Variants in MLLT10 observed in about 807,000 individuals in gnomAD.
MLLT10 encodes the protein protein AF-10.
A neutral mutation model predicts 129.1 loss-of-function variants in MLLT10; 30 were observed. That is an observed-to-expected ratio of 0.23 (90% CI 0.17 to 0.32). The LOEUF is 0.32. MLLT10 is among the 10% of genes least tolerant of loss of function. MLLT10 has a pLI of 1.00. For synonymous variants in MLLT10, 490 were observed against 446.4 expected (o/e 1.10, Z -1.23); for missense variants, 1,119 against 1,268.3 (o/e 0.88, Z 1.79).
At chr10:21,738,595 G>C in intron 21 of MLLT10, 1 of 1,214,606 alleles carries the variant, frequency 8.2e-7, no homozygotes, top group Non-Finnish European at 1.1e-6. Context: ...CACAGCTTCC[G>C]CTCGACACTC....
intron 3 of MLLT10, among the ~76,000 whole-genome samples, chr10:21,565,594 A>G (rs1015560087): frequency 2.7e-5 from 4 of 147,900 alleles, no homozygotes; most frequent in African/African-American, 7.4e-5. Context: ...GGTGTGAGCC[A>G]CTGTGCCTGG....
chr10:21,542,426 C>T (rs940048805), intron 3 of MLLT10, among the ~76,000 whole-genome samples: 16 of 152,040 alleles, frequency 1.1e-4, no homozygotes, highest in African/African-American at 1.4e-4. Flanking sequence ...AAAAATTAGC[C>T]GGGCGTGGTA....
At chr10:21,626,119 T>C in intron 8 of MLLT10, 1 of 1,609,984 alleles carries the variant, frequency 6.2e-7, no homozygotes, top group Non-Finnish European at 8.5e-7. Flanking sequence ...CCTGTTTCTC[T>C]CTCTGCCTGT....
At chr10:21,626,292 A>G (rs1442620495) in intron 8 of MLLT10, 1 of 1,326,722 alleles carries the variant, frequency 7.5e-7, no homozygotes, top group African/African-American at 1.4e-5. Flanking sequence ...AATCCAGGGC[A>G]GAGCAGGGGC....
At chr10:21,556,816 C>T (rs774174288) in intron 3 of MLLT10, 17 of 1,564,678 alleles carry the variant, frequency 1.1e-5, no homozygotes, top group South Asian at 2.3e-5. Context: ...CAGCTTTCTT[C>T]GGTCCTCAGT....
chr10:21,576,990 C>G (rs192225764), intron 3 of MLLT10, among the ~76,000 whole-genome samples: 1 of 152,174 alleles, frequency 6.6e-6, no homozygotes, highest in African/African-American at 2.4e-5. Context: ...ACACTTGTAT[C>G]CCCTCAAGAA....
intron 11 of MLLT10, among the ~76,000 whole-genome samples, chr10:21,680,207 T>G (rs1348445844): frequency 6.6e-6 from 1 of 152,014 alleles, no homozygotes; most frequent in Non-Finnish European, 1.5e-5. Flanking sequence ...TTCTCTTTTC[T>G]TTTTTTCTTT....
chr10:21,692,187 TA>T (rs1325779131), intron 13 of MLLT10, among the ~76,000 whole-genome samples: 1 of 150,986 alleles, frequency 6.6e-6, no homozygotes, highest in East Asian at 1.9e-4. Context: ...AAATAAAAAA[TA>T]AAAGGACTTA....
chr10:21,673,319 T>G, intron 10 of MLLT10, 31 bp from the exon 11 acceptor site: 3 of 45,006 alleles, frequency 6.7e-5, no homozygotes, highest in Non-Finnish European at 9.2e-5. Context: ...ACCCCCCAAC[T>G]TTTTTTTTTT....
At chr10:21,633,212 G>C (rs2047159203) in intron 8 of MLLT10, among the ~76,000 whole-genome samples, 1 of 152,176 alleles carries the variant, frequency 6.6e-6, no homozygotes, top group Admixed American at 6.5e-5. Context: ...AACTAAATTA[G>C]TTAGTACATG....
intron 13 of MLLT10, among the ~76,000 whole-genome samples, chr10:21,706,763 G>A (rs143067871): frequency 3.3e-5 from 5 of 152,114 alleles, no homozygotes; most frequent in Admixed American, 6.6e-5. Context: ...AATTGCATTG[G>A]CTTACTAATA....
At chr10:21,605,000 G>A (rs1167403947) in intron 5 of MLLT10, among the ~76,000 whole-genome samples, 6 of 151,056 alleles carry the variant, frequency 4.0e-5, no homozygotes, top group Non-Finnish European at 8.8e-5. Context: ...TTGAGTCCAG[G>A]AGTTTGAGGC....
At chr10:21,576,362 C>T (rs1191726662) in intron 3 of MLLT10, among the ~76,000 whole-genome samples, 1 of 151,796 alleles carries the variant, frequency 6.6e-6, no homozygotes, top group Non-Finnish European at 1.5e-5. Context: ...CCTGCCTCAG[C>T]CTCCCGAGTA....
At chr10:21,656,159 C>T (rs896620748) in intron 9 of MLLT10, among the ~76,000 whole-genome samples, 2 of 152,070 alleles carry the variant, frequency 1.3e-5, no homozygotes, top group African/African-American at 4.8e-5. Flanking sequence ...TAGAAGCCTT[C>T]AGTCATAGGT....
chr10:21,613,108 C>T (rs538858846), intron 6 of MLLT10, among the ~76,000 whole-genome samples: 2 of 147,584 alleles, frequency 1.4e-5, no homozygotes, highest in East Asian at 2.0e-4. Context: ...GCAAGAGAAT[C>T]GCTTAAACCT....
At chr10:21,701,895 T>TTTCTCTTCTCTTCTCTTCTC (rs538238777) in intron 13 of MLLT10, among the ~76,000 whole-genome samples, 5 of 150,928 alleles carry the variant, frequency 3.3e-5, no homozygotes, top group African/African-American at 1.2e-4. Flanking sequence ...GGTTATGTTA[T>TTTCTCTTCTCTTCTCTTCTC]TTCTCTTCTC....
intron 2 of MLLT10, among the ~76,000 whole-genome samples, chr10:21,535,189 T>G: frequency 1.3e-5 from 2 of 150,866 alleles, no homozygotes; most frequent in Admixed American, 6.6e-5. Flanking sequence ...GGGGGTGGGT[T>G]TGGGAGAGTG....
intron 8 of MLLT10, 44 bp downstream of exon 8, chr10:21,617,251 A>T: frequency 8.6e-7 from 1 of 1,163,992 alleles, no homozygotes; most frequent in South Asian, 2.2e-5. Context: ...CATCTACTTA[A>T]TAGAATTTTT....
intron 8 of MLLT10, chr10:21,624,486 A>G: frequency 1.6e-6 from 1 of 625,876 alleles, no homozygotes; most frequent in Non-Finnish European, 2.7e-6. Flanking sequence ...AATGGCAGCA[A>G]ATTGCTACTT....
Sources: allele counts gnomAD v4.1 joint callset (sites outside exome capture counted in the v4.1 genomes callset), GRCh38; gene constraint gnomAD v4.1.1; transcripts MANE v1.5; gene names NCBI Gene and HGNC (gene_info 2026-07-23, HGNC 2026-07-21).